MEGF11: variants seen among roughly 807,000 people sequenced by gnomAD.
MEGF11 encodes the protein multiple EGF like domains 11.
A neutral mutation model predicts 146.6 loss-of-function variants in MEGF11; 126 were observed. The observed-to-expected ratio is 0.86, with a 90% confidence interval of 0.74 to 1.00. The LOEUF is 1.00. Ranked by LOEUF, MEGF11 falls within the 50% of genes least tolerant of loss-of-function variation. The pLI is 0.00. For synonymous variants in MEGF11, 532 were observed against 583.4 expected (o/e 0.91, Z 1.27); for missense variants, 1,509 against 1,521.2 (o/e 0.99, Z 0.13).
intron 5 of MEGF11, among the ~76,000 whole-genome samples, chr15:65,989,971 A>G (rs2081979067): frequency 6.6e-6 from 1 of 152,142 alleles, no homozygotes; most frequent in Admixed American, 6.6e-5. Flanking sequence ...AGGAAGGAGG[A>G]TCACTGAGAT....
intron 1 of MEGF11, among the ~76,000 whole-genome samples, chr15:66,134,738 C>A (rs2088814811): frequency 6.6e-6 from 1 of 152,246 alleles, no homozygotes; most frequent in Non-Finnish European, 1.5e-5. Flanking sequence ...GGGAGGGAGC[C>A]CTCGAGAATC....
intron 5 of MEGF11, among the ~76,000 whole-genome samples, chr15:66,086,702 G>C (rs1344357073): frequency 2.0e-5 from 3 of 152,126 alleles, no homozygotes; most frequent in Non-Finnish European, 4.4e-5. Context: ...CATCAAAACA[G>C]AATCTCTTTA....
At chr15:65,972,627 G>A (rs183481) in intron 7 of MEGF11, among the ~76,000 whole-genome samples, 114,138 of 152,034 alleles carry the variant, frequency 0.75, 43,835 homozygotes, top group Middle Eastern at 0.86. Flanking sequence ...CTTCTTAACT[G>A]GAAGCCAGAA....
chr15:65,941,951 C>T (rs539628522), intron 10 of MEGF11, among the ~76,000 whole-genome samples: 31 of 152,328 alleles, frequency 2.0e-4, no homozygotes, highest in East Asian at 1.3e-3. Flanking sequence ...ATATTTTTCA[C>T]GCCCCTGCCC....
intron 5 of MEGF11, among the ~76,000 whole-genome samples, chr15:66,002,676 C>T (rs2141841653): frequency 6.6e-6 from 1 of 152,338 alleles, no homozygotes; most frequent in Admixed American, 6.5e-5. Flanking sequence ...AATGTTTTTA[C>T]ACAGTGCAAG....
intron 1 of MEGF11, among the ~76,000 whole-genome samples, chr15:66,134,284 C>T (rs189133943): frequency 5.9e-5 from 9 of 152,316 alleles, no homozygotes; most frequent in African/African-American, 1.9e-4. Context: ...CTCGCCCCAA[C>T]TCCCAAGCAG....
chr15:66,137,424 T>C (rs1004926759), intron 1 of MEGF11, among the ~76,000 whole-genome samples: 20 of 152,226 alleles, frequency 1.3e-4, no homozygotes. Context: ...TGATCACATT[T>C]ATATAAACTG....
rs376519163 is a variant in MEGF11 at position 65,922,441 on chromosome 15, G to A, written c.1854C>T (p.Cys618=). 30 of 1,581,898 alleles carry A rather than the reference G, an allele frequency of 1.9e-5. No homozygotes were observed. Among genetic ancestry groups the A allele is most frequent in the South Asian group, 1.6e-4 (14 of 86,198 alleles). Residue 618 remains cysteine, a synonymous_variant, in exon 15 of 26, where the codon TGC becomes TGT. Coordinates refer to ENST00000395614, the MANE Select transcript of MEGF11 (RefSeq NM_001385028.1). ...GCACGCAGAGGGGGCATGGCTGGGCGCAGCCGTGGCCATAGAACCCAGGGG... is the reference window on the plus strand; with the variant it reads ...GCACGCAGAGGGGGCATGGCTGGGCACAGCCGTGGCCATAGAACCCAGGGG... ...ICPPGFYGHG[C]AQPCPLCVHS...
At chr15:66,094,774 T>C (rs1355839113) in intron 4 of MEGF11, among the ~76,000 whole-genome samples, 1 of 152,204 alleles carries the variant, frequency 6.6e-6, no homozygotes, top group African/African-American at 2.4e-5. Context: ...GAACATTTCC[T>C]GCAACGTTTA....
chr15:66,202,118 C>T lies in MEGF11; in HGVS notation c.-9+51487G>A, dbSNP rs893027499. On this transcript the variant is annotated intron_variant, in intron 1 of 25. Coordinates refer to ENST00000395614, the MANE Select transcript of MEGF11 (RefSeq NM_001385028.1). ...TGCTGAGACCCCCAATGTACATTCA[C>T]GCGTGCATGCACACACACACACAAG... 8.8e-4 allele frequency among the ~76,000 whole-genome samples: 132 copies of T among 149,440 alleles called. 1 individual carries two copies. The highest frequency in any genetic ancestry group is 3.1e-4 in the Non-Finnish European group (21 of 67,374).
intron 1 of MEGF11, among the ~76,000 whole-genome samples, chr15:66,139,610 A>T (rs1299552531): frequency 3.4e-4 from 10 of 29,200 alleles, no homozygotes; most frequent in Non-Finnish European, 5.5e-4. Flanking sequence ...ACAGTAGGAT[A>T]AAAAAAAAAA....
intron 5 of MEGF11, among the ~76,000 whole-genome samples, chr15:66,027,735 T>C (rs932986204): frequency 9.8e-5 from 15 of 152,332 alleles, no homozygotes; most frequent in African/African-American, 3.6e-4. Context: ...GTGGTTCTGA[T>C]GCATGATCAG....
At chr15:66,127,628 G>A (rs757422947) in intron 2 of MEGF11, among the ~76,000 whole-genome samples, 9 of 152,136 alleles carry the variant, frequency 5.9e-5, no homozygotes, top group Non-Finnish European at 1.0e-4. Context: ...GGTTTAATTC[G>A]GTTTTTTCCT....
chr15:65,947,916 G>T (rs548134914), intron 10 of MEGF11, among the ~76,000 whole-genome samples: 1 of 152,356 alleles, frequency 6.6e-6, no homozygotes, highest in Non-Finnish European at 1.5e-5. Context: ...GAACATGACA[G>T]CAAGAGGGTG....
At chr15:66,185,220 C>T (rs1440415168) in intron 1 of MEGF11, among the ~76,000 whole-genome samples, 14 of 152,098 alleles carry the variant, frequency 9.2e-5, no homozygotes, top group Admixed American at 7.9e-4. Flanking sequence ...GCTCCCTGCA[C>T]CCTCCTCCCA....
intron 24 of MEGF11, among the ~76,000 whole-genome samples, chr15:65,899,898 T>C (rs1318990072): frequency 5.9e-5 from 9 of 152,098 alleles, no homozygotes; most frequent in Admixed American, 4.6e-4. Flanking sequence ...TGCAGGCTGG[T>C]TTCCAAATAT....
intron 1 of MEGF11, among the ~76,000 whole-genome samples, chr15:66,144,806 C>G (rs2089303144): frequency 6.6e-6 from 1 of 152,210 alleles, no homozygotes; most frequent in South Asian, 2.1e-4. Flanking sequence ...CATGGCAGAT[C>G]CTATCTGTAG....
intron 7 of MEGF11, among the ~76,000 whole-genome samples, chr15:65,979,959 A>T (rs1320942484): frequency 6.6e-6 from 1 of 152,158 alleles, no homozygotes; most frequent in Non-Finnish European, 1.5e-5. Context: ...TTTCCCAGAC[A>T]TGAGACCTGG....
chr15:65,997,220 T>A (rs765395434), intron 5 of MEGF11, among the ~76,000 whole-genome samples: 3 of 152,158 alleles, frequency 2.0e-5, no homozygotes, highest in Non-Finnish European at 4.4e-5. Context: ...GGTATTCCTG[T>A]CTATTGAGAG....
Sources: gnomAD v4.1 joint callset for allele counts (sites outside exome capture counted in the v4.1 genomes callset) on GRCh38, gnomAD v4.1.1 for gene constraint, MANE v1.5 for transcripts, NCBI Gene and HGNC (gene_info 2026-07-23, HGNC 2026-07-21) for gene names.